DLC1: variants seen among roughly 807,000 people sequenced by gnomAD.
DLC1 encodes the protein rho GTPase-activating protein 7.
A neutral mutation model predicts 140.3 loss-of-function variants in DLC1; 54 were observed. The observed-to-expected ratio is 0.38, with a 90% CI of 0.31 to 0.48. The LOEUF (loss-of-function observed/expected upper bound fraction) is 0.48. DLC1 is among the 20% of genes least tolerant of loss of function. The pLI is 0.96. For missense variants in DLC1, 2,536 were observed against 1,907.0 expected (o/e 1.33, Z -6.14); for synonymous variants, 986 against 728.1 (o/e 1.35, Z -5.70).
intron 5 of DLC1, among the ~76,000 whole-genome samples, chr8:13,151,697 C>T (rs1823826557): frequency 1.3e-5 from 2 of 152,056 alleles, no homozygotes; most frequent in Admixed American, 1.3e-4. Context: ...CTCTTTGCAC[C>T]CAAGTATTTT....
chr8:13,319,989 AT>A (rs1175049851), intron 4 of DLC1, among the ~76,000 whole-genome samples: 2 of 151,520 alleles, frequency 1.3e-5, no homozygotes, highest in Admixed American at 1.3e-4. Flanking sequence ...CGCCCAGCTA[AT>A]TTTTTGCATT....
intron 2 of DLC1, among the ~76,000 whole-genome samples, chr8:13,451,988 C>G (rs1438545738): frequency 6.6e-6 from 1 of 152,140 alleles, no homozygotes; most frequent in Non-Finnish European, 1.5e-5. Context: ...TGAACACCAA[C>G]AGAGTACGAG....
At chr8:13,468,811 CTTTTTTTTTTTTT>C (rs78775803) in intron 2 of DLC1, among the ~76,000 whole-genome samples, 43,784 of 91,290 alleles carry the variant, frequency 0.48, 8,273 homozygotes, top group Middle Eastern at 0.64. Context: ...TTTATGTCTG[CTTTTTTTTTTTTT>C]TTTTTTTTTT....
Position 13,521,287 on chromosome 8 carries a change from C to G in DLC1, c.-125-21091G>C, listed in dbSNP as rs115055997. Among the ~76,000 whole-genome samples, 509 of 152,156 alleles carry G rather than the reference C, an allele frequency of 3.3e-3. 3 individuals carry two copies. Among genetic ancestry groups the G allele is most frequent in the African/African-American group, 0.012 (495 of 41,504 alleles). On this transcript the variant is annotated intron_variant, in intron 1 of 1. Coordinates refer to the DLC1 transcript ENST00000631382. ...GGAGGGAGAGCATCAGGGTAAATAG[C>G]TAATGCACGTGGGGCTTAATACCTA...
At chr8:13,518,745 G>A (rs967258086), upstream of DLC1, among the ~76,000 whole-genome samples, 2 of 152,140 alleles carry the variant, frequency 1.3e-5, no homozygotes, top group Non-Finnish European at 2.9e-5. Flanking sequence ...AATATATAAA[G>A]AGAATAAATA....
intron 5 of DLC1, chr8:13,276,522 A>G: frequency 7.7e-7 from 1 of 1,296,892 alleles, no homozygotes; most frequent in African/African-American, 1.5e-5. Flanking sequence ...TGCGGCTGGC[A>G]CTGCGGCCCC....
At chr8:13,295,441 C>A (rs191881418) in intron 5 of DLC1, among the ~76,000 whole-genome samples, 4 of 152,330 alleles carry the variant, frequency 2.6e-5, no homozygotes. Flanking sequence ...CCACACTTCT[C>A]CTGCATTAGA....
chr8:13,214,775 C>T lies in DLC1; in HGVS notation c.1348+90494G>A, dbSNP rs773577820. 3.8e-6 allele frequency: 3 copies of T among 780,618 alleles called. No individual in the cohort carries two copies. The Admixed American group carries it at 5.1e-5, about 13-fold the overall frequency. The allele number at this position is 780,618 out of a possible 1,614,324, so 48.4% of individuals were successfully genotyped here. A position where few individuals can be genotyped will look rare whatever the true frequency, so the allele number is the denominator to read the frequency against. On this transcript the variant is annotated intron_variant, in intron 5 of 17. Coordinates refer to ENST00000276297, the MANE Select transcript of DLC1 (RefSeq NM_182643.3). ...ACTTCCAACTTTACTGATTTTACCG[C>T]TGCTGGGTTCCAGGGGAGGTAAAAA...
At position 13,137,130 on chromosome 8, in the gene DLC1, G is replaced by T. The variant is rs182464713; in HGVS notation, c.1349-21473C>A. On this transcript the variant is annotated intron_variant, in intron 5 of 17. Transcript: ENST00000276297. ...TGAATCTGAGGAACCTTTACAAGCG[G>T]GGGAAGGAAAGTGAAAAAATCATGA... Among the ~76,000 whole-genome samples the T allele has an allele frequency of 4.2e-3, 636 of 152,224 alleles. 9 individuals carry two copies. Among genetic ancestry groups the T allele is most frequent in the Non-Finnish European group, 9.7e-4 (66 of 68,022 alleles).
At chr8:13,496,347 C>T (rs1478473797) in intron 2 of DLC1, among the ~76,000 whole-genome samples, 5 of 152,028 alleles carry the variant, frequency 3.3e-5, no homozygotes, top group African/African-American at 1.2e-4. Context: ...AGCTTATATA[C>T]TAAATATTAT....
rs201501644 is a variant in DLC1 at position 13,201,338 on chromosome 8, AAATATTCATT to A, written c.1349-85691_1349-85682del. Among the ~76,000 whole-genome samples the A allele has an allele frequency of 4.3e-4, 66 of 152,352 alleles. No homozygotes were observed. In the East Asian group the frequency reaches 0.013, roughly 29 times the overall value. On this transcript the variant is annotated intron_variant, in intron 5 of 17. Coordinates refer to ENST00000276297, the MANE Select transcript of DLC1 (RefSeq NM_182643.3). Reference sequence around the variant, plus strand: ...TTTTTGCATGTAATAATAAAAATTAAAATATTCATTACAGTTCACATTGTAAAGATCACTT... The same window carrying A: ...TTTTTGCATGTAATAATAAAAATTAAACAGTTCACATTGTAAAGATCACTT...
At chr8:13,478,634 A>G (rs931232977) in intron 2 of DLC1, among the ~76,000 whole-genome samples, 1 of 152,126 alleles carries the variant, frequency 6.6e-6, no homozygotes. Context: ...CCTTCTCATC[A>G]GTTCAAGGCT....
intron 3 of DLC1, among the ~76,000 whole-genome samples, chr8:13,399,606 GA>G (rs1418717587): frequency 6.6e-6 from 1 of 152,162 alleles, no homozygotes; most frequent in Non-Finnish European, 1.5e-5. Flanking sequence ...GGCACACTCT[GA>G]GTGCCTGGGT....
chr8:13,442,579 A>T (rs1798568978), intron 2 of DLC1, among the ~76,000 whole-genome samples: 1 of 152,258 alleles, frequency 6.6e-6, no homozygotes, highest in African/African-American at 2.4e-5. Context: ...GAAGACATTT[A>T]TGCAGCCAAA....
chr8:13,247,433 C>T (rs1351030284), intron 5 of DLC1, among the ~76,000 whole-genome samples: 2 of 152,160 alleles, frequency 1.3e-5, no homozygotes, highest in African/African-American at 2.4e-5. Context: ...TCCAGTGTGC[C>T]AGGCAGCATT....
intron 2 of DLC1, among the ~76,000 whole-genome samples, chr8:13,480,133 A>G (rs913966408): frequency 1.5e-4 from 23 of 152,218 alleles, no homozygotes; most frequent in African/African-American, 5.5e-4. Context: ...CTTCTAATAT[A>G]AAATACTGGG....
At chr8:13,138,748 T>G (rs1334910497) in intron 5 of DLC1, among the ~76,000 whole-genome samples, 1 of 152,202 alleles carries the variant, frequency 6.6e-6, no homozygotes, top group East Asian at 1.9e-4. Flanking sequence ...GTTCTCCCCC[T>G]ACCCCCACTC....
At chr8:13,120,193 A>C (rs1820922386) in intron 5 of DLC1, among the ~76,000 whole-genome samples, 1 of 150,866 alleles carries the variant, frequency 6.6e-6, no homozygotes, top group African/African-American at 2.4e-5. Flanking sequence ...AAATACAAAA[A>C]TTAGCCAGGC....
chr8:13,589,532 A>G (rs1805446561), intron 1 of DLC1, among the ~76,000 whole-genome samples: 1 of 152,204 alleles, frequency 6.6e-6, no homozygotes, highest in African/African-American at 2.4e-5. Flanking sequence ...TCCACTGAAA[A>G]TTCAACTATG....
Sources: gnomAD v4.1 joint callset for allele counts (sites outside exome capture counted in the v4.1 genomes callset) on GRCh38, gnomAD v4.1.1 for gene constraint, MANE v1.5 for transcripts, NCBI Gene and HGNC (gene_info 2026-07-23, HGNC 2026-07-21) for gene names.